SNX9: variants seen among roughly 807,000 people sequenced by gnomAD.
SNX9 encodes the protein sorting nexin-9.
Under a neutral mutation model 89.4 loss-of-function variants are expected in SNX9, and 44 were observed. The ratio of observed to expected loss-of-function variants is 0.49; its 90% CI spans 0.39 to 0.63. SNX9 has a LOEUF of 0.63. Among genes scored for constraint, SNX9 ranks in the 30% least tolerant of loss-of-function variants. SNX9 has a pLI of 0.00. For synonymous variants in SNX9, 236 were observed against 247.8 expected, an observed-to-expected ratio of 0.95 and a Z score of 0.45; for missense variants, 578 against 736.1, an observed-to-expected ratio of 0.79 and a Z score of 2.49.
chr6:157,888,868 C>G (rs918670409), intron 4 of SNX9, among the ~76,000 whole-genome samples: 1 of 152,100 alleles, frequency 6.6e-6, no homozygotes, highest in African/African-American at 2.4e-5. Flanking sequence ...GGCTTGATTA[C>G]TGAATTCATC....
Position 157,893,187 on chromosome 6 carries a change from G to A in SNX9, c.301-3640G>A, listed in dbSNP as rs547260405. ...GAAGGGTTTCTCTTAGCTGAAGTGT[G>A]ACTGCCAGGCCCTCAGCATGATTGC... On this transcript the variant is annotated intron_variant, in intron 4 of 17. Coordinates refer to ENST00000392185, the MANE Select transcript of SNX9 (RefSeq NM_016224.5). Among the ~76,000 whole-genome samples the A allele has an allele frequency of 3.3e-5, 5 of 152,322 alleles. No individual in the cohort carries two copies. The South Asian group carries it at 1.0e-3, about 32-fold the overall frequency.
Position 157,921,525 on chromosome 6 carries a change from T to C in SNX9, c.950-6T>C, listed in dbSNP as rs1239827427. 3 of 1,612,892 alleles carry C rather than the reference T, an allele frequency of 1.9e-6. No homozygotes were observed. Among genetic ancestry groups the C allele is most frequent in the Middle Eastern group, 1.7e-4 (1 of 6,056 alleles). ...TTGTATGTCATTCTTGGTGTGTCGC[T>C]TGCAGGCCGCTTTGAAGAGGAATTT... On this transcript the variant is annotated splice_polypyrimidine_tract_variant and splice_region_variant and intron_variant, in intron 9 of 17. Transcript: ENST00000392185.
chr6:157,869,837 C>T (rs575787766), intron 2 of SNX9, among the ~76,000 whole-genome samples: 1 of 152,080 alleles, frequency 6.6e-6, no homozygotes, highest in African/African-American at 2.4e-5. Flanking sequence ...CACTCTCTCA[C>T]ATTATGCATA....
In SNX9 at chr6:157,928,516, T is replaced by C. The variant is rs41268575; in HGVS notation, c.1185-83T>C. Reference sequence around the variant, plus strand: ...TTGTTATCATGCAAGAAAACAAGTGTCTGTGGTTATATTTGGCCCGAGTAT... The same window carrying C: ...TTGTTATCATGCAAGAAAACAAGTGCCTGTGGTTATATTTGGCCCGAGTAT... On this transcript the variant is annotated intron_variant, in intron 11 of 17. Coordinates refer to ENST00000392185, the MANE Select transcript of SNX9 (RefSeq NM_016224.5). The C allele has an allele frequency of 2.3e-3, 2,320 of 1,022,880 alleles. 9 individuals are homozygous for C. The highest frequency in any genetic ancestry group is 2.6e-3 in the Non-Finnish European group (1,731 of 675,092). 63.4% of individuals were successfully genotyped at this position (1,022,880 alleles called of 1,614,324 possible). A position where few individuals can be genotyped will look rare whatever the true frequency, so the allele number is the denominator to read the frequency against.
rs532467735 is a variant in SNX9, at chr6:157,842,149, T to C, written c.12+18703T>C. 6.8e-4 allele frequency among the ~76,000 whole-genome samples: 103 copies of C among 152,350 alleles called. 1 individual carries two copies. Among genetic ancestry groups the C allele is most frequent in the African/African-American group, 2.2e-3 (92 of 41,580 alleles). ...TCTTAATATCTTCAAATATCCAGTCTGTTGGTAGGCAGTGTAAACATATTC... is the reference window on the plus strand; with the variant it reads ...TCTTAATATCTTCAAATATCCAGTCCGTTGGTAGGCAGTGTAAACATATTC... On this transcript the variant is annotated intron_variant, in intron 1 of 17. Transcript: ENST00000392185.
chr6:157,906,013 C>A, intron 6 of SNX9, 115 bp from the exon 7 acceptor site: 1 of 757,150 alleles, frequency 1.3e-6, no homozygotes, highest in Non-Finnish European at 2.1e-6. Flanking sequence ...GTTTCCAGTT[C>A]TAGTGCACCC....
chr6:157,844,547 G>A (rs112568317), intron 1 of SNX9, among the ~76,000 whole-genome samples: 3,069 of 151,348 alleles, frequency 0.02, 108 homozygotes, highest in African/African-American at 0.068. Flanking sequence ...CCAGCTACAT[G>A]ACTCCTAAAT....
intron 9 of SNX9, among the ~76,000 whole-genome samples, chr6:157,912,244 T>G (rs1179440884): frequency 6.6e-6 from 1 of 152,246 alleles, no homozygotes; most frequent in Non-Finnish European, 1.5e-5. Flanking sequence ...ATCAACTTGG[T>G]TAGCACAGTG....
At chr6:157,901,868 T>A (rs62772067) in intron 5 of SNX9, 30 bp from the exon 6 acceptor site, 9 of 1,537,958 alleles carry the variant, frequency 5.9e-6, no homozygotes, top group Non-Finnish European at 7.0e-6. Flanking sequence ...TTTTTTTTTT[T>A]AACTGATGAT....
intron 9 of SNX9, among the ~76,000 whole-genome samples, chr6:157,914,638 T>A (rs1783425547): frequency 6.6e-6 from 1 of 151,544 alleles, no homozygotes; most frequent in Admixed American, 6.6e-5. Context: ...CAACACTTCT[T>A]GTTAATTTTT....
At chr6:157,830,553 G>A (rs1781460692) in intron 1 of SNX9, 2 of 152,318 alleles carry the variant, frequency 1.3e-5, no homozygotes, top group Non-Finnish European at 2.9e-5. Flanking sequence ...TGGGTATCTT[G>A]GATCTGAGGA....
chr6:157,917,750 C>G (rs1783502407), intron 9 of SNX9, among the ~76,000 whole-genome samples: 1 of 152,040 alleles, frequency 6.6e-6, no homozygotes, highest in South Asian at 2.1e-4. Flanking sequence ...CTATGTAAAT[C>G]ATTGTTATAC....
intron 9 of SNX9, among the ~76,000 whole-genome samples, chr6:157,913,738 A>G (rs1437408820): frequency 6.6e-6 from 1 of 152,236 alleles, no homozygotes; most frequent in Non-Finnish European, 1.5e-5. Flanking sequence ...GTCATTATAA[A>G]TGGAAGCATG....
chr6:157,884,084 C>T (rs1159191711), intron 4 of SNX9, among the ~76,000 whole-genome samples: 1 of 152,154 alleles, frequency 6.6e-6, no homozygotes, highest in Non-Finnish European at 1.5e-5. Flanking sequence ...TAACACCGAC[C>T]ACAGGCCTAG....
intron 4 of SNX9, among the ~76,000 whole-genome samples, chr6:157,895,121 T>A (rs9356106): frequency 0.22 from 32,985 of 152,168 alleles, 3,653 homozygotes; most frequent in Non-Finnish European, 0.23. Flanking sequence ...TCCATCCTTG[T>A]TGACTTTGAG....
intron 16 of SNX9, 95 bp from the exon 17 acceptor site, chr6:157,940,788 C>A: frequency 9.2e-7 from 1 of 1,087,526 alleles, no homozygotes. Context: ...CAGATTAGGT[C>A]AGGTTGATGA....
intron 1 of SNX9, among the ~76,000 whole-genome samples, chr6:157,863,643 A>G (rs1372576641): frequency 6.6e-6 from 1 of 152,228 alleles, no homozygotes; most frequent in Admixed American, 6.5e-5. Flanking sequence ...TTCAAAGACC[A>G]CATGGAAAAT....
intron 1 of SNX9, among the ~76,000 whole-genome samples, chr6:157,840,830 T>C (rs1781689785): frequency 6.6e-6 from 1 of 152,214 alleles, no homozygotes; most frequent in Non-Finnish European, 1.5e-5. Context: ...ATAGAAAATT[T>C]CAGATTATGT....
intron 4 of SNX9, among the ~76,000 whole-genome samples, chr6:157,888,494 A>G (rs867138381): frequency 3.3e-5 from 5 of 152,182 alleles, no homozygotes; most frequent in Non-Finnish European, 5.9e-5. Flanking sequence ...TGGTCCTGCC[A>G]TGAATGTGCT....
Sources: allele counts gnomAD v4.1 joint callset (sites outside exome capture counted in the v4.1 genomes callset), GRCh38; gene constraint gnomAD v4.1.1; transcripts MANE v1.5; gene names NCBI Gene and HGNC (gene_info 2026-07-23, HGNC 2026-07-21).